Variants in CSMD2 observed in about 807,000 individuals in gnomAD.
CSMD2 encodes the protein CUB and Sushi multiple domains 2, also known as CUB and sushi domain-containing protein 2.
Under a neutral mutation model 398.5 loss-of-function variants are expected in CSMD2, and 130 were observed. The observed-to-expected ratio is 0.33, with a 90% CI of 0.28 to 0.38. CSMD2 has a LOEUF of 0.38. CSMD2 is among the 10% of genes least tolerant of loss of function. The pLI is 1.00. For missense variants in CSMD2, 3,829 were observed against 4,764.9 expected (o/e 0.80, Z 5.78); for synonymous variants, 1,828 against 1,908.5 (o/e 0.96, Z 1.10).
At chr1:33,550,106 T>C (rs1050751142) in intron 56 of CSMD2, 71 bp downstream of exon 56, 130 of 1,504,864 alleles carry the variant, frequency 8.6e-5, no homozygotes, top group Non-Finnish European at 5.3e-5. Flanking sequence ...CACTCACACC[T>C]TGGGGGCTCG....
chr1:34,113,012 A>G (rs771119), intron 1 of CSMD2: 60,706 of 152,110 alleles, frequency 0.4, 12,725 homozygotes, highest in East Asian at 0.69. Flanking sequence ...AAGCAGGTTC[A>G]GGCCTTGTTA....
At chr1:33,909,658 C>T (rs891306937) in intron 5 of CSMD2, among the ~76,000 whole-genome samples, 1 of 152,018 alleles carries the variant, frequency 6.6e-6, no homozygotes, top group Non-Finnish European at 1.5e-5. Flanking sequence ...ATGACAGTGA[C>T]CATAATGAAG....
chr1:33,752,428 T>C (rs964846062), intron 13 of CSMD2, among the ~76,000 whole-genome samples: 17 of 152,220 alleles, frequency 1.1e-4, no homozygotes, highest in African/African-American at 3.9e-4. Flanking sequence ...CGTTTTGCCT[T>C]CTGCCATGAT....
rs1641683517 is a variant in CSMD2 at position 34,164,507 on chromosome 1, T to C, written c.187+404A>G. Reference sequence around the variant, plus strand: ...CTCCAGCCCCCAGGACCAGCGTGCCTGGCAGAATCAGGAGCCGGGGGAGTA... The same window carrying C: ...CTCCAGCCCCCAGGACCAGCGTGCCCGGCAGAATCAGGAGCCGGGGGAGTA... On this transcript the variant is annotated intron_variant, in intron 1 of 70. Transcript: ENST00000373381. The surrounding 1 kb of genome is among the most constrained non-coding windows in gnomAD (Gnocchi z 6.2). Among the ~76,000 whole-genome samples, 1 of 151,992 alleles carries C rather than the reference T, an allele frequency of 6.6e-6. No homozygotes were observed. Among genetic ancestry groups the C allele is most frequent in the Admixed American group, 6.5e-5 (1 of 15,270 alleles).
intron 3 of CSMD2, among the ~76,000 whole-genome samples, chr1:33,941,388 TTCTCTTCCATCAAGTAACTTG>T (rs1644669747): frequency 1.3e-5 from 2 of 152,356 alleles, no homozygotes; most frequent in East Asian, 3.9e-4. Flanking sequence ...TTTTGATTTC[TTCTCTTCCATCAAGTAACTTG>T]TTTCATCTCC....
chr1:33,972,869 C>T (rs1165600173), intron 3 of CSMD2, among the ~76,000 whole-genome samples: 1 of 152,206 alleles, frequency 6.6e-6, no homozygotes, highest in African/African-American at 2.4e-5. Context: ...GCAACTGACT[C>T]ATCTACTGAT....
chr1:34,058,697 G>T (rs777515552), intron 2 of CSMD2, among the ~76,000 whole-genome samples: 1 of 152,164 alleles, frequency 6.6e-6, no homozygotes, highest in Admixed American at 6.5e-5. Context: ...CCACTGGGCT[G>T]CCCACCCTGG....
intron 6 of CSMD2, among the ~76,000 whole-genome samples, chr1:33,842,657 A>AGACCAGGTGTAAAT (rs1553229269): frequency 6.6e-6 from 1 of 152,236 alleles, no homozygotes; most frequent in Non-Finnish European, 1.5e-5. Flanking sequence ...AAGCAGCCAT[A>AGACCAGGTGTAAAT]GACCAGGTGT....
intron 3 of CSMD2, among the ~76,000 whole-genome samples, chr1:34,010,525 G>C (rs1477857366): frequency 6.6e-6 from 1 of 152,256 alleles, no homozygotes; most frequent in African/African-American, 2.4e-5. Flanking sequence ...TGACTGGCCC[G>C]AGGTCACAAA....
chr1:34,148,605 G>GT (rs1370586325), intron 1 of CSMD2, among the ~76,000 whole-genome samples: 1 of 59,262 alleles, frequency 1.7e-5, no homozygotes, highest in Non-Finnish European at 5.9e-5. Context: ...CCCTCCTTCA[G>GT]TGGGGCACAG....
intron 3 of CSMD2, among the ~76,000 whole-genome samples, chr1:33,960,137 G>T (rs1340033701): frequency 6.6e-6 from 1 of 152,076 alleles, no homozygotes; most frequent in Non-Finnish European, 1.5e-5. Flanking sequence ...GTGCCTCCAG[G>T]GCTGTGCTGA....
intron 5 of CSMD2, among the ~76,000 whole-genome samples, chr1:33,886,181 G>A (rs1355733317): frequency 6.6e-6 from 1 of 152,164 alleles, no homozygotes; most frequent in African/African-American, 2.4e-5. Flanking sequence ...TAAGGCTCTG[G>A]ACTATATTCC....
intron 1 of CSMD2, among the ~76,000 whole-genome samples, chr1:34,101,839 T>C (rs1374358297): frequency 6.6e-6 from 1 of 152,184 alleles, no homozygotes; most frequent in Non-Finnish European, 1.5e-5. Context: ...AATTTTATCA[T>C]GTTTGACATA....
intron 13 of CSMD2, among the ~76,000 whole-genome samples, chr1:33,758,064 C>T (rs920714653): frequency 6.6e-6 from 1 of 152,316 alleles, no homozygotes; most frequent in African/African-American, 2.4e-5. Context: ...CTAGACTCCT[C>T]GTAGGGGCAC....
intron 2 of CSMD2, among the ~76,000 whole-genome samples, chr1:34,083,500 A>G (rs1657504782): frequency 6.6e-6 from 1 of 152,226 alleles, no homozygotes; most frequent in Non-Finnish European, 1.5e-5. Context: ...CCCTGGGATA[A>G]AGTTCTGGCC....
chr1:33,568,424 T>C (rs1384811437), intron 52 of CSMD2, among the ~76,000 whole-genome samples: 1 of 152,158 alleles, frequency 6.6e-6, no homozygotes, highest in East Asian at 1.9e-4. Context: ...TGGCCTCAAA[T>C]GATCCACCCG....
chr1:33,612,115 T>C (rs150779644), intron 40 of CSMD2, among the ~76,000 whole-genome samples: 7 of 152,334 alleles, frequency 4.6e-5, no homozygotes, highest in Admixed American at 4.6e-4. Context: ...CTAGGCATTG[T>C]ACAGGATGAG....
intron 25 of CSMD2, among the ~76,000 whole-genome samples, chr1:33,688,953 A>G (rs1011576501): frequency 1.3e-5 from 2 of 152,080 alleles, no homozygotes; most frequent in African/African-American, 2.4e-5. Context: ...AGTGTGAGTT[A>G]TCCTAACTTT....
At chr1:33,847,316 C>T (rs1322963445) in intron 5 of CSMD2, among the ~76,000 whole-genome samples, 6 of 151,594 alleles carry the variant, frequency 4.0e-5, no homozygotes. Flanking sequence ...TTTGCCTTTT[C>T]TGCTTGGAAT....
Sources: gnomAD v4.1 joint callset for allele counts (sites outside exome capture counted in the v4.1 genomes callset) on GRCh38, gnomAD v4.1.1 for gene constraint, Gnocchi (gnomAD v3.1) non-coding constraint, MANE v1.5 for transcripts, NCBI Gene and HGNC (gene_info 2026-07-23, HGNC 2026-07-21) for gene names.